LARP4B: variants seen among roughly 807,000 people sequenced by gnomAD.
LARP4B encodes the protein la-related protein 4B.
LARP4B carries 12 observed loss-of-function variants against 89.8 expected under a neutral mutation model. The observed-to-expected ratio is 0.13, with a 90% CI of 0.09 to 0.22. The LOEUF (loss-of-function observed/expected upper bound fraction) is 0.22. LARP4B is among the 10% of genes least tolerant of loss of function. The pLI is 1.00. For missense variants in LARP4B, 757 were observed against 947.7 expected (o/e 0.80, Z 2.64); for synonymous variants, 367 against 363.3 (o/e 1.01, Z -0.12).
intron 1 of LARP4B, among the ~76,000 whole-genome samples, chr10:899,875 TTAAG>T (rs1455251842): frequency 9.8e-5 from 15 of 152,332 alleles, no homozygotes; most frequent in African/African-American, 2.6e-4. Flanking sequence ...ATTGCCTTAA[TTAAG>T]TACTATATAA....
rs61492661 is a variant in LARP4B at position 844,909 on chromosome 10, G to C, written c.509+68C>G. On this transcript the variant is annotated intron_variant, in intron 6 of 17. Transcript: ENST00000316157. Reference sequence around the variant, plus strand: ...TACTCCTTCATAAAATATCACATTTGTATATACTTTAACTATTTGCACAAT... The same window carrying C: ...TACTCCTTCATAAAATATCACATTTCTATATACTTTAACTATTTGCACAAT... The C allele has an allele frequency of 5.7e-4, 648 of 1,142,600 alleles. 3 individuals are homozygous for C. The African/African-American group carries it at 9.3e-3, about 16-fold the overall frequency. 70.8% of individuals were successfully genotyped at this position (1,142,600 alleles called of 1,614,324 possible). A position where few individuals can be genotyped will look rare whatever the true frequency, so the allele number is the denominator to read the frequency against.
the LARP4B span, among the ~76,000 whole-genome samples, chr10:958,759 G>A: frequency 1.3e-5 from 2 of 152,196 alleles, no homozygotes; most frequent in African/African-American, 2.4e-5. Context: ...CCTGTAAATG[G>A]TACAGCTTCG....
intron 1 of LARP4B, among the ~76,000 whole-genome samples, chr10:908,699 C>T (rs182788991): frequency 9.9e-5 from 15 of 152,200 alleles, no homozygotes; most frequent in South Asian, 2.1e-4. Context: ...TGTTGTGACG[C>T]GAAAGCAGGA....
the LARP4B span, among the ~76,000 whole-genome samples, chr10:955,109 G>A: frequency 6.8e-6 from 1 of 147,046 alleles, no homozygotes; most frequent in Non-Finnish European, 1.5e-5. This position sits in a 1 kb window ranked among gnomAD's most constrained non-coding sequence, Gnocchi z 5.2. Context: ...TCCCATCCAC[G>A]CTTCCCCAGG....
rs565297688 is a variant in LARP4B at position 852,169 on chromosome 10, C to T, written c.431-7114G>A. Among the ~76,000 whole-genome samples the T allele has an allele frequency of 2.0e-5, 3 of 152,250 alleles. No individual in the cohort carries two copies. In the South Asian group the frequency reaches 6.2e-4, roughly 32 times the overall value. ...TTCCTCATATGAGGGTGAAATAATA[C>T]GTAACCTCTTCCAAAAACTTAAATA... On this transcript the variant is annotated intron_variant, in intron 5 of 17. Coordinates refer to ENST00000316157, the MANE Select transcript of LARP4B (RefSeq NM_015155.3).
the LARP4B span, among the ~76,000 whole-genome samples, chr10:943,781 G>A: frequency 1.3e-4 from 20 of 152,086 alleles, no homozygotes; most frequent in Non-Finnish European, 8.8e-5. Context: ...GGCCCGGGTC[G>A]GGAGGGCCCG....
At chr10:951,161 C>T in the LARP4B span, among the ~76,000 whole-genome samples, 1 of 152,090 alleles carries the variant, frequency 6.6e-6, no homozygotes, top group Non-Finnish European at 1.5e-5. Flanking sequence ...AGGCTGGGAG[C>T]TTCAGTCTTT....
At chr10:966,467 G>T in the LARP4B span, among the ~76,000 whole-genome samples, 2 of 152,276 alleles carry the variant, frequency 1.3e-5, no homozygotes, top group Admixed American at 1.3e-4. Flanking sequence ...ATAAACAGGA[G>T]GAAAGAAGAA....
At chr10:896,962 C>T (rs1177765209) in intron 1 of LARP4B, among the ~76,000 whole-genome samples, 1 of 151,232 alleles carries the variant, frequency 6.6e-6, no homozygotes, top group Non-Finnish European at 1.5e-5. Context: ...AATATAATCC[C>T]TATCAAAATT....
chr10:962,429 A>C, the LARP4B span, among the ~76,000 whole-genome samples: 1 of 152,230 alleles, frequency 6.6e-6, no homozygotes, highest in African/African-American at 2.4e-5. Context: ...TTAGGACTTC[A>C]ACATGTAAAT....
chr10:828,459 A>T (rs938456708), intron 11 of LARP4B, among the ~76,000 whole-genome samples: 1 of 151,940 alleles, frequency 6.6e-6, no homozygotes, highest in Non-Finnish European at 1.5e-5. Context: ...TTGTTTTCTC[A>T]AGTTCTCTCT....
intron 15 of LARP4B, among the ~76,000 whole-genome samples, chr10:816,260 A>T (rs1832050183): frequency 6.6e-6 from 1 of 152,234 alleles, no homozygotes; most frequent in Non-Finnish European, 1.5e-5. Flanking sequence ...AATTCAGGAT[A>T]TGTGCAGTCC....
At chr10:823,548 G>A (rs971850649) in intron 13 of LARP4B, among the ~76,000 whole-genome samples, 1 of 151,528 alleles carries the variant, frequency 6.6e-6, no homozygotes, top group Non-Finnish European at 1.5e-5. Context: ...TCCTTGTGAC[G>A]CTCGTATGAA....
intron 11 of LARP4B, among the ~76,000 whole-genome samples, chr10:828,510 A>G (rs1194513431): frequency 6.6e-6 from 1 of 152,138 alleles, no homozygotes; most frequent in Non-Finnish European, 1.5e-5. Context: ...CAGCGGTGAC[A>G]TCCCTGCACA....
At chr10:951,020 C>T in the LARP4B span, among the ~76,000 whole-genome samples, 12 of 151,930 alleles carry the variant, frequency 7.9e-5, no homozygotes, top group Admixed American at 3.3e-4. Context: ...CCTTCTCTCT[C>T]TCTCTCAGTC....
chr10:940,505 T>C, the LARP4B span, among the ~76,000 whole-genome samples: 1 of 152,204 alleles, frequency 6.6e-6, no homozygotes, highest in East Asian at 1.9e-4. Flanking sequence ...GCCAGGCTCG[T>C]CTTGGGCCAG....
chr10:940,710 A>C, the LARP4B span, among the ~76,000 whole-genome samples: 1 of 152,230 alleles, frequency 6.6e-6, no homozygotes, highest in African/African-American at 2.4e-5. Context: ...CATTTGGACC[A>C]GAAGGCATGA....
At chr10:849,199 A>G (rs539670618) in intron 5 of LARP4B, among the ~76,000 whole-genome samples, 1 of 152,194 alleles carries the variant, frequency 6.6e-6, no homozygotes, top group East Asian at 1.9e-4. Flanking sequence ...CGAAGAACAC[A>G]TGGGACAAAA....
At chr10:968,423 C>T in the LARP4B span, among the ~76,000 whole-genome samples, 1 of 152,186 alleles carries the variant, frequency 6.6e-6, no homozygotes, top group African/African-American at 2.4e-5. Flanking sequence ...TTTTTGGTTA[C>T]TGAATACACT....
Sources: gnomAD v4.1 joint callset for allele counts (sites outside exome capture counted in the v4.1 genomes callset) on GRCh38, gnomAD v4.1.1 for gene constraint, Gnocchi (gnomAD v3.1) non-coding constraint, MANE v1.5 for transcripts, NCBI Gene and HGNC (gene_info 2026-07-23, HGNC 2026-07-21) for gene names.